Variants in FYB1 observed in about 807,000 individuals in gnomAD.
FYB1 encodes the protein FYN-binding protein 1.
FYB1 carries 41 observed loss-of-function variants against 94.1 expected under a neutral mutation model. The ratio of observed to expected loss-of-function variants is 0.44; its 90% CI spans 0.34 to 0.57. The LOEUF (loss-of-function observed/expected upper bound fraction) is 0.57, where lower values mean the gene tolerates loss of function less well. Ranked by LOEUF, FYB1 falls within the 20% of genes least tolerant of loss-of-function variation. The probability of loss-of-function intolerance (pLI) is 0.02; values close to 1 mark genes in which losing one functional copy is unlikely to be tolerated. For missense variants in FYB1, 1,050 were observed against 976.8 expected (o/e 1.07, Z -1.00); for synonymous variants, 367 against 353.2 (o/e 1.04, Z -0.44).
chr5:39,231,147 C>CAAAAAAAAAAA (rs747268330), intron 1 of FYB1, among the ~76,000 whole-genome samples: 5 of 40,924 alleles, frequency 1.2e-4, no homozygotes, highest in African/African-American at 2.5e-4. Flanking sequence ...CAGCTCAGAG[C>CAAAAAAAAAAA]AAAAAAAAAA....
intron 1 of FYB1, among the ~76,000 whole-genome samples, chr5:39,266,410 A>G (rs1370334274): frequency 5.3e-5 from 8 of 152,236 alleles, no homozygotes. Context: ...AGATGAGCCC[A>G]GTGTCGTGTG....
At chr5:39,148,391 T>TG (rs1410234932) in intron 3 of FYB1, among the ~76,000 whole-genome samples, 2 of 90,018 alleles carry the variant, frequency 2.2e-5, no homozygotes, top group African/African-American at 6.4e-5. Flanking sequence ...GTTTTTTTTT[T>TG]TTTTTTTTTT....
chr5:39,273,070 C>G (rs1018726813), intron 1 of FYB1, among the ~76,000 whole-genome samples: 1 of 152,160 alleles, frequency 6.6e-6, no homozygotes, highest in Admixed American at 6.5e-5. Flanking sequence ...AGGTGGGGGG[C>G]GCTTCTGCCC....
intron 2 of FYB1, among the ~76,000 whole-genome samples, chr5:39,160,293 A>G (rs1293828332): frequency 6.6e-6 from 1 of 152,196 alleles, no homozygotes; most frequent in East Asian, 1.9e-4. Flanking sequence ...TTAGCTACTA[A>G]TTGATCTGGC....
chr5:39,267,634 G>A (rs1404863004), intron 1 of FYB1, among the ~76,000 whole-genome samples: 1 of 152,156 alleles, frequency 6.6e-6, no homozygotes, highest in African/African-American at 2.4e-5. Flanking sequence ...AGAAATTAAG[G>A]GGAAGTAACT....
At chr5:39,245,069 T>G (rs982888515) in intron 1 of FYB1, among the ~76,000 whole-genome samples, 1 of 152,204 alleles carries the variant, frequency 6.6e-6, no homozygotes, top group Non-Finnish European at 1.5e-5. Flanking sequence ...CTATCAATTT[T>G]TTAAACAATT....
At chr5:39,188,580 T>C (rs933449550) in intron 2 of FYB1, among the ~76,000 whole-genome samples, 2 of 149,122 alleles carry the variant, frequency 1.3e-5, no homozygotes, top group Admixed American at 1.3e-4. Context: ...GTTTCGCTCT[T>C]GTTGCCTAGG....
chr5:39,205,431 T>C (rs951901845), intron 1 of FYB1, among the ~76,000 whole-genome samples: 3 of 152,200 alleles, frequency 2.0e-5, no homozygotes, highest in Non-Finnish European at 2.9e-5. Flanking sequence ...CTTTAAAGAG[T>C]ACCTGACACA....
At chr5:39,136,237 T>C (rs1741669780) in intron 7 of FYB1, among the ~76,000 whole-genome samples, 1 of 151,224 alleles carries the variant, frequency 6.6e-6, no homozygotes, top group Non-Finnish European at 1.5e-5. Context: ...GCCTGGCCAG[T>C]TTTTTGTATT....
chr5:39,116,360 G>A (rs540604487), intron 16 of FYB1, among the ~76,000 whole-genome samples: 4 of 152,252 alleles, frequency 2.6e-5, no homozygotes, highest in African/African-American at 4.8e-5. Flanking sequence ...GGTAGTTAAC[G>A]ATGAACTTGG....
chr5:39,114,244 A>G (rs781644258), intron 16 of FYB1, among the ~76,000 whole-genome samples: 1 of 152,150 alleles, frequency 6.6e-6, no homozygotes, highest in Non-Finnish European at 1.5e-5. Flanking sequence ...ACAGCTTATG[A>G]GACATAGAGT....
chr5:39,185,589 T>TATATAC (rs1187087956), intron 2 of FYB1, among the ~76,000 whole-genome samples: 3 of 145,844 alleles, frequency 2.1e-5, no homozygotes, highest in Non-Finnish European at 4.5e-5. Context: ...CATATATACA[T>TATATAC]ATATATACAT....
At chr5:39,116,968 A>G (rs891997258) in intron 16 of FYB1, among the ~76,000 whole-genome samples, 14 of 152,294 alleles carry the variant, frequency 9.2e-5, no homozygotes, top group African/African-American at 2.6e-4. Context: ...TAGGAGACTT[A>G]GGTCACTATG....
intron 17 of FYB1, 48 bp downstream of exon 17, chr5:39,110,308 G>C (rs1319130635): frequency 2.5e-6 from 3 of 1,204,714 alleles, no homozygotes; most frequent in Non-Finnish European, 3.6e-6. Context: ...AAAAAGAAAG[G>C]CACAAAATTC....
chr5:39,253,099 T>C (rs1751795031), intron 1 of FYB1, among the ~76,000 whole-genome samples: 1 of 152,192 alleles, frequency 6.6e-6, no homozygotes, highest in South Asian at 2.1e-4. Context: ...TAAAGAAAAG[T>C]ACACGTTTTA....
At chr5:39,261,337 GACACACACACACACACACACACACAC>G (rs57277521) in intron 1 of FYB1, among the ~76,000 whole-genome samples, 7 of 133,872 alleles carry the variant, frequency 5.2e-5, no homozygotes, top group African/African-American at 2.0e-4. Flanking sequence ...TGTAGATTAA[GACACACACACACACACACACACACAC>G]ACACACACAA....
At chr5:39,239,829 C>A (rs867663058) in intron 1 of FYB1, among the ~76,000 whole-genome samples, 1 of 152,102 alleles carries the variant, frequency 6.6e-6, no homozygotes. Context: ...TCACATGGAA[C>A]CAAAAAAGAG....
chr5:39,126,005 C>T lies in FYB1; in HGVS notation c.2038G>A (p.Gly680Ser), dbSNP rs1201308056. The change falls in exon 12 of 19, where the codon GGT becomes AGT. Residue 680 changes from glycine to serine, a missense_variant. Coordinates refer to ENST00000512982, the MANE Select transcript of FYB1 (RefSeq NM_001465.6). ...TGGTTGGTTGACTCTTACGATGAAC[C>T]TTCATTATTGTCTGAGTCAGAGACT... Reference protein sequence around the residue: ...PKVSDSDNNEGSSFPAPPKQL... With the variant: ...PKVSDSDNNESSSFPAPPKQL... The T allele has an allele frequency of 6.2e-7, 1 of 1,613,054 alleles. No individual in the cohort carries two copies. The highest frequency in any genetic ancestry group is 1.1e-5 in the South Asian group (1 of 91,042).
At chr5:39,230,670 A>G (rs1031596694) in intron 1 of FYB1, among the ~76,000 whole-genome samples, 4 of 151,954 alleles carry the variant, frequency 2.6e-5, no homozygotes, top group African/African-American at 9.7e-5. Context: ...AAGTCCTATC[A>G]CTGTGTAAAA....
Sources: gnomAD v4.1 joint callset for allele counts (sites outside exome capture counted in the v4.1 genomes callset) on GRCh38, gnomAD v4.1.1 for gene constraint, MANE v1.5 for transcripts, NCBI Gene and HGNC (gene_info 2026-07-23, HGNC 2026-07-21) for gene names.